The following PIK3R4 variants were observed in gnomAD, a reference collection of about 807,000 sequenced individuals.
PIK3R4 encodes the protein phosphoinositide 3-kinase regulatory subunit 4.
In PIK3R4, 46 loss-of-function variants were observed where a neutral mutation model predicts 136.5. The ratio of observed to expected loss-of-function variants is 0.34; its 90% confidence interval spans 0.27 to 0.43. PIK3R4 has a LOEUF of 0.43. Among genes scored for constraint, PIK3R4 ranks in the 20% least tolerant of loss-of-function variants. The pLI, the probability that PIK3R4 is intolerant of heterozygous loss-of-function variation, is 1.00. For missense variants in PIK3R4, 1,331 were observed against 1,649.5 expected, an observed-to-expected ratio of 0.81 and a Z score of 3.35; for synonymous variants, 557 against 566.7, an observed-to-expected ratio of 0.98 and a Z score of 0.24.
chr3:130,729,732 T>G (rs1427072533), intron 5 of PIK3R4, among the ~76,000 whole-genome samples: 1 of 152,158 alleles, frequency 6.6e-6, no homozygotes, highest in Non-Finnish European at 1.5e-5. Context: ...ATTTCTCTAG[T>G]TTTTCACAAC....
intron 4 of PIK3R4, among the ~76,000 whole-genome samples, chr3:130,732,616 A>G (rs2066765232): frequency 6.6e-6 from 1 of 152,224 alleles, no homozygotes; most frequent in South Asian, 2.1e-4. Flanking sequence ...AAATAAATAA[A>G]TAGGCAGAGA....
At chr3:130,740,668 T>G (rs1413542216) in intron 2 of PIK3R4, among the ~76,000 whole-genome samples, 1 of 151,932 alleles carries the variant, frequency 6.6e-6, no homozygotes, top group Non-Finnish European at 1.5e-5. Flanking sequence ...AGGTGGAAGT[T>G]GCAATGAGCC....
At chr3:130,680,426 ACTTT>A in intron 19 of PIK3R4, 183 bp downstream of exon 19, 1 of 423,496 alleles carries the variant, frequency 2.4e-6, no homozygotes, top group Non-Finnish European at 4.2e-6. Context: ...ACTTATATGC[ACTTT>A]CTTTATGCTT....
In PIK3R4 at chr3:130,733,869, T is replaced by C. The variant is rs2066771931; in HGVS notation, c.1129A>G (p.Ile377Val). The change falls in exon 4 of 20, where the codon ATC becomes GTC. Residue 377 changes from isoleucine (I) to valine (V), a missense_variant. Physicochemically the swap from Ile to Val is conservative, Grantham distance 29. Coordinates refer to ENST00000356763, the MANE Select transcript of PIK3R4 (RefSeq NM_014602.3). ...CAGGATGTTATAACAGATACCAAGA[T>C]AACCAGCCCATTTTCCTTAGGCTCT... is the stretch of plus-strand genomic sequence containing the variant. The part of the protein sequence containing the change: ...EGEPKENGLV[I>V]LVSVITSCLQ... The C allele has an allele frequency of 2.5e-6, 4 of 1,614,178 alleles. No individual in the cohort carries two copies. Among genetic ancestry groups the C allele is most frequent in the Non-Finnish European group, 3.4e-6 (4 of 1,180,002 alleles).
chr3:130,706,984 AGAG>A lies in PIK3R4; in HGVS notation c.2682_2684del (p.Ser895del), dbSNP rs1368423361. Reference sequence around the variant, plus strand: ...TTGACAAAGGGACACAAATGCCAGCAGAGGACTCGGAACGAGGAGGTTTCCCAG... The same window carrying A: ...TTGACAAAGGGACACAAATGCCAGCAGACTCGGAACGAGGAGGTTTCCCAG... On this transcript the variant is annotated inframe_deletion, in exon 11 of 20. Transcript: ENST00000356763. The A allele has an allele frequency of 6.2e-7, 1 of 1,612,300 alleles. No individual in the cohort carries two copies. The highest frequency in any genetic ancestry group is 1.3e-5 in the African/African-American group (1 of 74,884).
At chr3:130,694,611 T>A (rs2066536386) in intron 13 of PIK3R4, among the ~76,000 whole-genome samples, 1 of 152,154 alleles carries the variant, frequency 6.6e-6, no homozygotes, top group Non-Finnish European at 1.5e-5. Flanking sequence ...AAGTGATTTT[T>A]ATATATTCAT....
intron 13 of PIK3R4, among the ~76,000 whole-genome samples, chr3:130,700,544 CTG>C (rs1293855043): frequency 6.6e-6 from 1 of 152,128 alleles, no homozygotes; most frequent in Admixed American, 6.5e-5. Context: ...AAGAGACAAA[CTG>C]AAAGTTTAAC....
intron 13 of PIK3R4, among the ~76,000 whole-genome samples, chr3:130,697,217 G>T (rs1455157908): frequency 1.3e-5 from 2 of 151,752 alleles, no homozygotes; most frequent in Non-Finnish European, 2.9e-5. Flanking sequence ...CTACAGGCGT[G>T]TGCCACCACG....
chr3:130,687,471 A>G (rs376986302), intron 14 of PIK3R4, among the ~76,000 whole-genome samples: 4 of 152,154 alleles, frequency 2.6e-5, no homozygotes, highest in African/African-American at 9.7e-5. Context: ...ATACTTTGAG[A>G]CAATGCAAAA....
chr3:130,742,009 C>T (rs537436604), intron 2 of PIK3R4, among the ~76,000 whole-genome samples: 27 of 152,076 alleles, frequency 1.8e-4, no homozygotes, highest in South Asian at 1.0e-3. Context: ...ATAATGAAAA[C>T]GACATTATTT....
rs759148840 is a variant in PIK3R4, at chr3:130,681,638, GAGA to G, written c.3608-50_3608-48del. 4.4e-5 allele frequency: 52 copies of G among 1,190,028 alleles called. No individual in the cohort carries two copies. In the South Asian group the frequency reaches 6.3e-4, roughly 15 times the overall value. 73.7% of individuals were successfully genotyped at this position (1,190,028 alleles called of 1,614,324 possible). A position where few individuals can be genotyped will look rare whatever the true frequency, so the allele number is the denominator to read the frequency against. Reference sequence around the variant, plus strand: ...ATCTTGACTCAGACAAAAAGAGTTGGAGAAGATTACAACAAAACAAATTGCAGT... The same window carrying G: ...ATCTTGACTCAGACAAAAAGAGTTGGAGATTACAACAAAACAAATTGCAGT... On this transcript the variant is annotated intron_variant, in intron 16 of 19. Transcript: ENST00000356763.
Position 130,726,678 on chromosome 3 carries a change from C to T in PIK3R4, c.1807+1785G>A, listed in dbSNP as rs1267903476. Among the ~76,000 whole-genome samples the T allele has an allele frequency of 6.6e-5, 10 of 151,822 alleles. No homozygotes were observed. In the South Asian group the frequency reaches 1.3e-3, roughly 19 times the overall value. On this transcript the variant is annotated intron_variant, in intron 6 of 19. Coordinates refer to ENST00000356763, the MANE Select transcript of PIK3R4 (RefSeq NM_014602.3). ...TGGTCATTTATTTTCTTCTGGTTTCCGTATTTTCCAAATTTTTCTAAGTTT... is the reference window on the plus strand; with the variant it reads ...TGGTCATTTATTTTCTTCTGGTTTCTGTATTTTCCAAATTTTTCTAAGTTT...
chr3:130,733,431 G>C (rs1209933458), intron 4 of PIK3R4, 117 bp downstream of exon 4: 1 of 662,230 alleles, frequency 1.5e-6, no homozygotes, highest in Non-Finnish European at 2.7e-6. Context: ...TACACAAATA[G>C]TTCAAAGAGC....
chr3:130,740,893 A>G (rs1482729153), intron 2 of PIK3R4, among the ~76,000 whole-genome samples: 1 of 152,168 alleles, frequency 6.6e-6, no homozygotes, highest in Non-Finnish European at 1.5e-5. Flanking sequence ...TGTTAACAAT[A>G]GGTGAATCTG....
intron 13 of PIK3R4, among the ~76,000 whole-genome samples, chr3:130,696,848 A>G (rs1302034976): frequency 6.6e-6 from 1 of 152,084 alleles, no homozygotes; most frequent in Non-Finnish European, 1.5e-5. Context: ...TAAGCTATTA[A>G]AGGCTCCCAC....
intron 16 of PIK3R4, among the ~76,000 whole-genome samples, chr3:130,683,705 T>C (rs186793430): frequency 6.6e-6 from 1 of 152,142 alleles, no homozygotes; most frequent in East Asian, 1.9e-4. Flanking sequence ...CAAGCATTAG[T>C]TGTGTGCTAG....
chr3:130,680,959 AG>A lies in PIK3R4; in HGVS notation c.3797+17del. The A allele has an allele frequency of 1.6e-6, 2 of 1,235,744 alleles. No individual in the cohort carries two copies. The highest frequency in any genetic ancestry group is 2.3e-6 in the Non-Finnish European group (2 of 859,080). 76.5% of individuals were successfully genotyped at this position (1,235,744 alleles called of 1,614,324 possible). On this transcript the variant is annotated intron_variant, in intron 18 of 19. Coordinates refer to ENST00000356763, the MANE Select transcript of PIK3R4 (RefSeq NM_014602.3). Reference sequence around the variant, plus strand: ...CTTGTAAAAGTATCCATTTTATTAAAGTATTGAGATAGTGTACCTTATTTTC... The same window carrying A: ...CTTGTAAAAGTATCCATTTTATTAAATATTGAGATAGTGTACCTTATTTTC...
In PIK3R4 at chr3:130,744,990, T is replaced by C; in HGVS notation, c.229A>G (p.Arg77Gly). 1 of 1,614,192 alleles carries C rather than the reference T, an allele frequency of 6.2e-7. No individual in the cohort carries two copies. The highest frequency in any genetic ancestry group is 1.1e-5 in the South Asian group (1 of 91,080). Residue 77 changes from arginine to glycine, a missense_variant, in exon 2 of 20, where the codon AGG (arginine) becomes GGG (glycine). By Grantham distance (125) the Arg-to-Gly change is moderately radical (BLOSUM62 -2). Coordinates refer to ENST00000356763, the MANE Select transcript of PIK3R4 (RefSeq NM_014602.3). Reference protein sequence around the residue: ...YKQELEELKIRLNSAQNCLPF... With the variant: ...YKQELEELKIGLNSAQNCLPF... The stretch of plus-strand genomic sequence containing the variant: ...AGACAATTCTGTGCAGAATTAAGCC[T>C]GATTTTCAGTTCCTCCAGCTCTTGT...
Position 130,728,521 on chromosome 3 carries a change from A to G in PIK3R4, c.1749T>C (p.Thr583=). ...ANDVLLSHMI[T]FLNDKNDWHL... ...GCCAATCATTCTTATCATTTAGGAA[A>G]GTAATCATGTGGGACAACAAAACAT... Residue 583 remains threonine (T), a synonymous_variant, in exon 6 of 20, where the codon ACT becomes ACC. Transcript: ENST00000356763. 1 of 1,613,842 alleles carries G rather than the reference A, an allele frequency of 6.2e-7. No homozygotes were observed. Among genetic ancestry groups the G allele is most frequent in the Non-Finnish European group, 8.5e-7 (1 of 1,179,860 alleles).
Sources: gnomAD v4.1 joint callset for allele counts (sites outside exome capture counted in the v4.1 genomes callset) on GRCh38, gnomAD v4.1.1 for gene constraint, MANE v1.5 for transcripts, NCBI Gene and HGNC (gene_info 2026-07-23, HGNC 2026-07-21) for gene names.